Variants in NALF1 observed in about 807,000 individuals in gnomAD.
NALF1 encodes NALCN channel auxiliary factor 1, also known as family with sequence similarity 155 member A.
In NALF1, 3 loss-of-function variants were observed where a neutral mutation model predicts 48.4. The ratio of observed to expected loss-of-function variants is 0.06; its 90% CI spans 0.03 to 0.16. The LOEUF (loss-of-function observed/expected upper bound fraction) is 0.16, where lower values mean the gene tolerates loss of function less well. Among genes scored for constraint, NALF1 ranks in the 10% least tolerant of loss-of-function variants. The pLI is 1.00. For missense variants in NALF1, 526 were observed against 571.5 expected, an observed-to-expected ratio of 0.92 and a Z score of 0.81; for synonymous variants, 262 against 245.7, an observed-to-expected ratio of 1.07 and a Z score of -0.62.
chr13:107,693,089 G>C (rs534561132), intron 1 of NALF1, among the ~76,000 whole-genome samples: 1 of 152,178 alleles, frequency 6.6e-6, no homozygotes, highest in African/African-American at 2.4e-5. Context: ...CTTCCACAAT[G>C]GTTGAACTAG....
At chr13:107,552,599 C>T (rs538206445) in intron 1 of NALF1, among the ~76,000 whole-genome samples, 2 of 152,272 alleles carry the variant, frequency 1.3e-5, no homozygotes, top group African/African-American at 4.8e-5. Flanking sequence ...AGGAACACCA[C>T]TTACAGGCAC....
intron 1 of NALF1, among the ~76,000 whole-genome samples, chr13:107,318,018 A>G (rs986139108): frequency 2.0e-5 from 3 of 152,128 alleles, no homozygotes; most frequent in African/African-American, 7.2e-5. Context: ...TAATCACTGA[A>G]GATTCTCATA....
Position 107,377,763 on chromosome 13 carries a change from A to C in NALF1, c.916-167008T>G, listed in dbSNP as rs183960310. ...TGCCCTGATTCTCAAGCTGTTTTTCAAAGTTACATGGAAATGCACAGAATA... is the reference window on the plus strand; with the variant it reads ...TGCCCTGATTCTCAAGCTGTTTTTCCAAGTTACATGGAAATGCACAGAATA... On this transcript the variant is annotated intron_variant, in intron 1 of 2. Transcript: ENST00000375915. 1.1e-4 allele frequency among the ~76,000 whole-genome samples: 16 copies of C among 152,334 alleles called. No homozygotes were observed. In the East Asian group the frequency reaches 2.9e-3, roughly 28 times the overall value.
intron 1 of NALF1, among the ~76,000 whole-genome samples, chr13:107,756,135 A>G (rs1203408733): frequency 6.6e-6 from 1 of 152,224 alleles, no homozygotes; most frequent in East Asian, 1.9e-4. Flanking sequence ...AAGAGAAGCT[A>G]GAAGAGAGAA....
At chr13:107,786,398 A>G (rs1878071266) in intron 1 of NALF1, among the ~76,000 whole-genome samples, 1 of 141,188 alleles carries the variant, frequency 7.1e-6, no homozygotes, top group Admixed American at 7.2e-5. Context: ...CCTGGGCAAC[A>G]AGAGCGAAAC....
At chr13:107,399,987 G>T (rs1883777150) in intron 1 of NALF1, among the ~76,000 whole-genome samples, 1 of 151,988 alleles carries the variant, frequency 6.6e-6, no homozygotes, top group Non-Finnish European at 1.5e-5. Flanking sequence ...CAAACAATCA[G>T]ACAAGACTAT....
At chr13:107,444,725 A>G (rs1441858969) in intron 1 of NALF1, among the ~76,000 whole-genome samples, 1 of 152,148 alleles carries the variant, frequency 6.6e-6, no homozygotes, top group African/African-American at 2.4e-5. Flanking sequence ...AGAACACCAT[A>G]TTTATACAAG....
intron 1 of NALF1, among the ~76,000 whole-genome samples, chr13:107,643,559 G>A (rs954525557): frequency 3.3e-5 from 5 of 149,526 alleles, no homozygotes; most frequent in Non-Finnish European, 7.4e-5. Context: ...GGGGTGAAAC[G>A]AAATGACAAT....
intron 1 of NALF1, among the ~76,000 whole-genome samples, chr13:107,804,551 C>T (rs1242642119): frequency 6.6e-6 from 1 of 152,172 alleles, no homozygotes; most frequent in Non-Finnish European, 1.5e-5. Flanking sequence ...AACATCCCTC[C>T]ATCCTGTGGC....
At chr13:107,294,441 G>A (rs1022385184) in intron 1 of NALF1, among the ~76,000 whole-genome samples, 2 of 152,272 alleles carry the variant, frequency 1.3e-5, no homozygotes, top group South Asian at 2.1e-4. Flanking sequence ...ACAAGGTGTA[G>A]TACTTTGAAG....
chr13:107,807,323 C>T (rs1878826503), intron 1 of NALF1, among the ~76,000 whole-genome samples: 2 of 152,134 alleles, frequency 1.3e-5, no homozygotes, highest in African/African-American at 4.8e-5. Flanking sequence ...AATATTACTA[C>T]ACCTGGATGA....
intron 1 of NALF1, among the ~76,000 whole-genome samples, chr13:107,777,100 GAACGAACAAAAAACTGGT>G (rs1177074435): frequency 6.6e-6 from 1 of 151,962 alleles, no homozygotes; most frequent in Non-Finnish European, 1.5e-5. Context: ...TCAAACAAAC[GAACGAACAAAAAACTGGT>G]AACATTTACT....
At chr13:107,211,972 T>C (rs1879771484) in intron 1 of NALF1, among the ~76,000 whole-genome samples, 1 of 152,158 alleles carries the variant, frequency 6.6e-6, no homozygotes, top group African/African-American at 2.4e-5. Flanking sequence ...AAATGGAAAA[T>C]CCAGACTTCA....
At chr13:107,854,452 C>A (rs1880392578) in intron 1 of NALF1, among the ~76,000 whole-genome samples, 1 of 152,190 alleles carries the variant, frequency 6.6e-6, no homozygotes, top group African/African-American at 2.4e-5. Context: ...GCCGGAGATA[C>A]CCGATTTTAA....
At chr13:107,743,386 G>A (rs555062558) in intron 1 of NALF1, among the ~76,000 whole-genome samples, 2 of 152,232 alleles carry the variant, frequency 1.3e-5, no homozygotes, top group South Asian at 2.1e-4. Flanking sequence ...GGTAAGAAAC[G>A]GCATGCTTAT....
At chr13:107,673,108 G>A (rs1881029458) in intron 1 of NALF1, among the ~76,000 whole-genome samples, 1 of 152,108 alleles carries the variant, frequency 6.6e-6, no homozygotes, top group Non-Finnish European at 1.5e-5. Flanking sequence ...TCTCCTTTCT[G>A]TATGGGTGCG....
intron 1 of NALF1, among the ~76,000 whole-genome samples, chr13:107,216,871 T>C (rs945041317): frequency 6.6e-6 from 1 of 152,120 alleles, no homozygotes; most frequent in African/African-American, 2.4e-5. Flanking sequence ...CCCAGACATA[T>C]GATTGTACAG....
At chr13:107,452,063 T>C (rs1884750350) in intron 1 of NALF1, among the ~76,000 whole-genome samples, 1 of 150,848 alleles carries the variant, frequency 6.6e-6, no homozygotes, top group South Asian at 2.1e-4. Context: ...ATCCATATAG[T>C]GTATTTCTTT....
chr13:107,734,401 T>A (rs1195158027), intron 1 of NALF1, among the ~76,000 whole-genome samples: 1 of 146,484 alleles, frequency 6.8e-6, no homozygotes, highest in Non-Finnish European at 1.5e-5. Context: ...ATTTTTCCTT[T>A]AAAAAAAAAC....
Sources: gnomAD v4.1 joint callset for allele counts (sites outside exome capture counted in the v4.1 genomes callset) on GRCh38, gnomAD v4.1.1 for gene constraint, MANE v1.5 for transcripts, NCBI Gene and HGNC (gene_info 2026-07-23, HGNC 2026-07-21) for gene names.